Variants in NLRP7 observed in about 807,000 individuals in gnomAD.
NLRP7 encodes NACHT, LRR and PYD domains-containing protein 7.
In NLRP7, 72 loss-of-function variants were observed where a neutral mutation model predicts 85.5. The observed-to-expected ratio is 0.84, with a 90% CI of 0.70 to 1.02. NLRP7 has a LOEUF of 1.02. NLRP7 is among the 50% of genes least tolerant of loss of function. NLRP7 has a pLI of 0.00. For missense variants in NLRP7, 1,243 were observed against 1,219.5 expected, an observed-to-expected ratio of 1.02 and a Z score of -0.29; for synonymous variants, 550 against 505.2, an observed-to-expected ratio of 1.09 and a Z score of -1.19.
chr19:54,931,058 A>G (rs1418817559), intron 8 of NLRP7, among the ~76,000 whole-genome samples: 1 of 152,166 alleles, frequency 6.6e-6, no homozygotes, highest in Non-Finnish European at 1.5e-5. Flanking sequence ...GTATTTATAT[A>G]AAACATAGGT....
chr19:54,923,624 T>C (rs923070843), exon 10 of NLRP7: 3 of 1,210,260 alleles, frequency 2.5e-6, no homozygotes, highest in African/African-American at 3.0e-5. Flanking sequence ...CAGTGTCAAA[T>C]CCTACCTCTC....
rs763260655 is a variant in NLRP7 at position 54,928,407 on chromosome 19, C to CA, written c.2810+2091dup. 1.1e-3 allele frequency among the ~76,000 whole-genome samples: 171 copies of CA among 151,952 alleles called. 1 individual carries two copies. Among genetic ancestry groups the CA allele is most frequent in the Admixed American group, 4.9e-3 (74 of 15,220 alleles). On this transcript the variant is annotated intron_variant, in intron 9 of 9. Transcript: ENST00000340844. ...AGACTTGGTCTCAAACAAAACAAAA[C>CA]AAAAAAACAAGCAGCATATTTGCTG...
At chr19:54,937,392 C>CA (rs910480301) in intron 5 of NLRP7, among the ~76,000 whole-genome samples, 6 of 149,728 alleles carry the variant, frequency 4.0e-5, no homozygotes, top group Non-Finnish European at 7.4e-5. Flanking sequence ...CAAAACAAAC[C>CA]AAAAAAAAGA....
intron 1 of NLRP7, among the ~76,000 whole-genome samples, chr19:54,953,951 G>A (rs2069761949): frequency 6.6e-6 from 1 of 151,974 alleles, no homozygotes; most frequent in South Asian, 2.1e-4. Context: ...AGCTTGCAGT[G>A]AGCGGAGATC....
At chr19:54,942,772 A>G (rs2069290464) in intron 1 of NLRP7, among the ~76,000 whole-genome samples, 2 of 152,126 alleles carry the variant, frequency 1.3e-5, no homozygotes, top group African/African-American at 4.8e-5. Flanking sequence ...CTCGCCACCA[A>G]CCCTCAGAGC....
intron 1 of NLRP7, among the ~76,000 whole-genome samples, chr19:54,965,576 C>T (rs1172534006): frequency 4.3e-5 from 3 of 70,318 alleles, no homozygotes; most frequent in Admixed American, 1.4e-4. Context: ...CTGCCTCAGC[C>T]TCCCGAGTAG....
At chr19:54,959,841 T>C (rs1173553635) in intron 1 of NLRP7, among the ~76,000 whole-genome samples, 3 of 151,884 alleles carry the variant, frequency 2.0e-5, no homozygotes, top group Admixed American at 6.6e-5. Context: ...ACTGCTCCGT[T>C]TTAGGTCCGC....
exon 4 of NLRP7, chr19:54,939,324 C>T: frequency 6.2e-7 from 1 of 1,614,132 alleles, no homozygotes; most frequent in Non-Finnish European, 8.5e-7. Context: ...TTCTGTACGT[C>T]CCCGATGTCC....
chr19:54,947,175 A>C (rs1423249783), intron 1 of NLRP7, among the ~76,000 whole-genome samples: 1 of 152,060 alleles, frequency 6.6e-6, no homozygotes, highest in African/African-American at 2.4e-5. Context: ...AAATACAAAA[A>C]TTAGCTGGGC....
chr19:54,934,938 C>G lies in NLRP7; in HGVS notation c.2301-279G>C, dbSNP rs1244378735. On this transcript the variant is annotated intron_variant, in intron 6 of 9. Transcript: ENST00000340844. This position sits in a 1 kb window ranked among gnomAD's most constrained non-coding sequence, Gnocchi z 6.7. ...TCTTGAACTCCTGACCTCAGGTGATCCACCCACCTTGGCCTACCGAAGTAC... is the reference window on the plus strand; with the variant it reads ...TCTTGAACTCCTGACCTCAGGTGATGCACCCACCTTGGCCTACCGAAGTAC... Among the ~76,000 whole-genome samples the G allele has an allele frequency of 6.6e-6, 1 of 152,158 alleles. No homozygotes were observed.
intron 1 of NLRP7, among the ~76,000 whole-genome samples, chr19:54,945,523 G>C (rs964182784): frequency 3.3e-5 from 5 of 151,962 alleles, no homozygotes; most frequent in Non-Finnish European, 7.4e-5. Context: ...GCCCACCTCA[G>C]CCTCCCAAAG....
At chr19:54,935,901 C>A (rs1392158207) in intron 6 of NLRP7, among the ~76,000 whole-genome samples, 1 of 150,306 alleles carries the variant, frequency 6.7e-6, no homozygotes, top group South Asian at 2.1e-4. Context: ...AAACTACCCC[C>A]AAACCCGTCT....
intron 9 of NLRP7, among the ~76,000 whole-genome samples, chr19:54,925,978 C>T (rs942610743): frequency 7.3e-5 from 11 of 149,768 alleles, no homozygotes; most frequent in African/African-American, 2.5e-4. Flanking sequence ...CCAGCCTGGG[C>T]GACAGAGACT....
chr19:54,962,701 G>A (rs1206636198), intron 1 of NLRP7, among the ~76,000 whole-genome samples: 1 of 151,486 alleles, frequency 6.6e-6, no homozygotes, highest in East Asian at 1.9e-4. Flanking sequence ...CCGGGTTCAC[G>A]CCATTCTCCT....
At chr19:54,961,224 GA>G (rs2070031234) in intron 1 of NLRP7, among the ~76,000 whole-genome samples, 1 of 151,792 alleles carries the variant, frequency 6.6e-6, no homozygotes, top group South Asian at 2.1e-4. Context: ...AAAAGAGGGG[GA>G]GTGGGCCAGG....
intron 6 of NLRP7, among the ~76,000 whole-genome samples, chr19:54,935,526 T>C (rs903845835): frequency 6.6e-6 from 1 of 151,964 alleles, no homozygotes; most frequent in Non-Finnish European, 1.5e-5. Flanking sequence ...TGAAACCCTG[T>C]CTCTATTAAA....
At chr19:54,964,406 C>CG (rs879526386) in intron 1 of NLRP7, among the ~76,000 whole-genome samples, 1 of 150,754 alleles carries the variant, frequency 6.6e-6, no homozygotes, top group Admixed American at 6.6e-5. Flanking sequence ...TTAGTAGAGA[C>CG]GGGGTTTCAC....
intron 6 of NLRP7, among the ~76,000 whole-genome samples, chr19:54,935,270 C>T (rs921201667): frequency 6.6e-6 from 1 of 151,910 alleles, no homozygotes; most frequent in Non-Finnish European, 1.5e-5. Context: ...CGCTCTGTTG[C>T]CCAGGCTGGA....
At chr19:54,949,143 TG>T (rs1287160879), upstream of NLRP7, 1 of 151,806 alleles carries the variant, frequency 6.6e-6, no homozygotes, top group Non-Finnish European at 1.5e-5. Context: ...CCAGGCATGG[TG>T]GTGTGCACCT....
Sources: gnomAD v4.1 joint callset for allele counts (sites outside exome capture counted in the v4.1 genomes callset) on GRCh38, gnomAD v4.1.1 for gene constraint, Gnocchi (gnomAD v3.1) non-coding constraint, MANE v1.5 for transcripts, NCBI Gene and HGNC (gene_info 2026-07-23, HGNC 2026-07-21) for gene names.